The following PLRG1 variants were observed in gnomAD, a reference collection of about 807,000 sequenced individuals.
The protein encoded by PLRG1 is pleiotropic regulator 1, also known as pleiotropic regulator 1 (PRL1 homolog, Arabidopsis).
PLRG1 carries 28 observed loss-of-function variants against 74.9 expected under a neutral mutation model. The observed-to-expected ratio is 0.37, with a 90% CI of 0.28 to 0.51. The LOEUF (loss-of-function observed/expected upper bound fraction) is 0.51, where lower values mean the gene tolerates loss of function less well. Ranked by LOEUF, PLRG1 falls within the 20% of genes least tolerant of loss-of-function variation. The pLI is 0.91. For missense variants in PLRG1, 445 were observed against 631.9 expected (o/e 0.70, Z 3.17); for synonymous variants, 197 against 212.4 (o/e 0.93, Z 0.63).
intron 1 of PLRG1, among the ~76,000 whole-genome samples, chr4:154,549,458 C>A (rs1232715552): frequency 6.6e-6 from 1 of 151,998 alleles, no homozygotes; most frequent in Non-Finnish European, 1.5e-5. Flanking sequence ...ATGGAAATGT[C>A]ATGTAAAAAA....
chr4:154,537,062 C>T (rs1029086039), intron 14 of PLRG1, among the ~76,000 whole-genome samples: 1 of 152,042 alleles, frequency 6.6e-6, no homozygotes, highest in Non-Finnish European at 1.5e-5. Flanking sequence ...CTTGGTGCAA[C>T]ATTTCCCAGC....
chr4:154,546,518 A>G lies in PLRG1; in HGVS notation c.314-305T>C, dbSNP rs1578771220. The G allele has an allele frequency of 1.5e-5, 5 of 334,678 alleles. No homozygotes were observed. The East Asian group carries it at 3.4e-4, about 23-fold the overall frequency. 20.7% of individuals were successfully genotyped at this position (334,678 alleles called of 1,614,324 possible). ...CAAGTCAGTATTAAGCAGTTCCTCA[A>G]ATACTAACAGAATGTTTCCAAGAGT... On this transcript the variant is annotated intron_variant, in intron 4 of 14. Coordinates refer to ENST00000499023, the MANE Select transcript of PLRG1 (RefSeq NM_002669.4).
chr4:154,537,943 T>C, intron 13 of PLRG1, 26 bp downstream of exon 13: 1 of 1,308,768 alleles, frequency 7.6e-7, no homozygotes. Context: ...AGACTAAACA[T>C]ATTTATTATA....
intron 6 of PLRG1, 28 bp from the exon 7 acceptor site, chr4:154,544,574 T>C: frequency 8.0e-7 from 1 of 1,249,380 alleles, no homozygotes; most frequent in Non-Finnish European, 1.2e-6. Context: ...ATTATTATTA[T>C]TAAAGACATC....
At chr4:154,547,931 C>A in intron 2 of PLRG1, 78 bp from the exon 3 acceptor site, 1 of 1,107,752 alleles carries the variant, frequency 9.0e-7, no homozygotes. Flanking sequence ...TGCCCATTCA[C>A]GTAGAAAAAG....
rs80103856 is a variant in PLRG1, at chr4:154,546,854, A to T, written c.313+157T>A. 4,396 of 645,586 alleles carry T rather than the reference A, an allele frequency of 6.8e-3. 132 individuals carry two copies. The African/African-American group carries it at 0.07, about 10-fold the overall frequency. 40.0% of individuals were successfully genotyped at this position (645,586 alleles called of 1,614,324 possible). A position where few individuals can be genotyped will look rare whatever the true frequency, so the allele number is the denominator to read the frequency against. On this transcript the variant is annotated intron_variant, in intron 4 of 14. Transcript: ENST00000499023. ...TTAAGAATGTTTGCTGAATGAAGGC[A>T]TATGAGTATTCATTATTACCTACAA...
chr4:154,540,991 T>C, intron 8 of PLRG1, 57 bp from the exon 9 acceptor site: 2 of 1,273,774 alleles, frequency 1.6e-6, no homozygotes. Flanking sequence ...AACAAAATTT[T>C]AGAAACCTGA....
Position 154,535,665 on chromosome 4 carries a change from G to A in PLRG1, c.*1020C>T, listed in dbSNP as rs1197456605. The A allele has an allele frequency of 2.6e-5, 4 of 151,920 alleles. No homozygotes were observed. The highest frequency in any genetic ancestry group is 7.2e-5 in the African/African-American group (3 of 41,384). The allele number at this position is 151,920 out of a possible 1,614,324, so 9.4% of individuals were successfully genotyped here. A position where few individuals can be genotyped will look rare whatever the true frequency, so the allele number is the denominator to read the frequency against. On this transcript the variant is annotated 3_prime_UTR_variant, in exon 15 of 15. Transcript: ENST00000499023. ...ATTAATGGGGAATCAGGATCCCAGG[G>A]CAGGATTTATAAAACTTGTATTTAC...
chr4:154,548,807 G>GAAAA, intron 2 of PLRG1, 22 bp downstream of exon 2: 7 of 1,095,844 alleles, frequency 6.4e-6, no homozygotes, highest in Non-Finnish European at 9.3e-6. Flanking sequence ...TTTAGCAATT[G>GAAAA]AAAAAAAAAA....
At chr4:154,541,120 C>T (rs1729548834) in intron 8 of PLRG1, among the ~76,000 whole-genome samples, 186 bp from the exon 9 acceptor site, 1 of 152,032 alleles carries the variant, frequency 6.6e-6, no homozygotes, top group African/African-American at 2.4e-5. Flanking sequence ...CATGCTCAAA[C>T]TGGAAAAATA....
At chr4:154,539,343 C>G in intron 11 of PLRG1, 130 bp from the exon 12 acceptor site, 1 of 617,518 alleles carries the variant, frequency 1.6e-6, no homozygotes, top group South Asian at 2.2e-5. Flanking sequence ...GCAAATTAGT[C>G]TTGGCTAATT....
At chr4:154,546,290 G>A in intron 4 of PLRG1, 77 bp from the exon 5 acceptor site, 2 of 757,218 alleles carry the variant, frequency 2.6e-6, no homozygotes, top group Non-Finnish European at 4.7e-6. Context: ...AAATGATGAA[G>A]GAAAACATAC....
chr4:154,541,404 G>C (rs755186413), intron 8 of PLRG1, among the ~76,000 whole-genome samples: 1 of 152,166 alleles, frequency 6.6e-6, no homozygotes, highest in Non-Finnish European at 1.5e-5. Flanking sequence ...CTCATACACT[G>C]CAAGTATCGA....
intron 7 of PLRG1, chr4:154,544,168 T>G (rs2111106690): frequency 4.3e-6 from 1 of 234,704 alleles, no homozygotes; most frequent in Non-Finnish European, 8.2e-6. Flanking sequence ...CTAAATACTT[T>G]GAACACTTTT....
intron 2 of PLRG1, 28 bp from the exon 3 acceptor site, chr4:154,547,881 G>T: frequency 6.5e-7 from 1 of 1,542,712 alleles, no homozygotes. Context: ...ACATAAGAAC[G>T]TATCCATAAA....
chr4:154,538,031 GA>G lies in PLRG1; in HGVS notation c.1228del (p.Ser410ProfsTer10). On this transcript the variant is annotated frameshift_variant, in exon 13 of 15. Transcript: ENST00000499023. LOFTEE classifies it high-confidence loss of function. ...TGTGTTAATAATAGCATTATGACCGGAAAGATTTTGAATGAAACTTCCATCA... is the reference window on the plus strand; with the variant it reads ...TGTGTTAATAATAGCATTATGACCGGAAGATTTTGAATGAAACTTCCATCA... ...FPDGSFIQNL[S>X]GHNAIINTLT... is the part of the protein sequence containing the mutation. The G allele has an allele frequency of 6.4e-7, 1 of 1,551,760 alleles. No individual in the cohort carries two copies. Among genetic ancestry groups the G allele is most frequent in the Non-Finnish European group, 8.8e-7 (1 of 1,134,862 alleles).
intron 2 of PLRG1, 56 bp downstream of exon 2, chr4:154,548,773 C>A: frequency 1.0e-5 from 9 of 883,484 alleles, no homozygotes; most frequent in Middle Eastern, 2.2e-4. Flanking sequence ...TGCTCTCTTC[C>A]CCTAGTATTA....
chr4:154,537,665 G>C (rs1221905395), intron 13 of PLRG1, 186 bp from the exon 14 acceptor site: 2 of 506,280 alleles, frequency 4.0e-6, no homozygotes, highest in Non-Finnish European at 6.9e-6. Context: ...AGAACTTATA[G>C]ATCTTAAAAA....
intron 6 of PLRG1, among the ~76,000 whole-genome samples, chr4:154,545,099 C>T (rs757914782): frequency 1.3e-5 from 2 of 152,096 alleles, no homozygotes; most frequent in Admixed American, 6.5e-5. Context: ...TCTAGTCATC[C>T]AAAACATAAA....
Sources: allele counts gnomAD v4.1 joint callset (sites outside exome capture counted in the v4.1 genomes callset), GRCh38; gene constraint gnomAD v4.1.1; transcripts MANE v1.5; gene names NCBI Gene and HGNC (gene_info 2026-07-23, HGNC 2026-07-21).